ZRANB3: variants seen among roughly 807,000 people sequenced by gnomAD.
The protein encoded by ZRANB3 is zinc finger RANBP2-type containing 3, also known as DNA annealing helicase and endonuclease ZRANB3.
In ZRANB3, 125 loss-of-function variants were observed where a neutral mutation model predicts 133.8. The observed-to-expected ratio is 0.93, with a 90% CI of 0.81 to 1.08. ZRANB3 has a LOEUF of 1.08. ZRANB3 is among the 50% of genes least tolerant of loss of function. The pLI is 0.00. For synonymous variants in ZRANB3, 387 were observed against 432.7 expected, an observed-to-expected ratio of 0.89 and a Z score of 1.31; for missense variants, 1,229 against 1,275.5, an observed-to-expected ratio of 0.96 and a Z score of 0.56.
At chr2:135,350,270 A>G (rs1685146141) in intron 4 of ZRANB3, 55 bp from the exon 5 acceptor site, 1 of 1,296,622 alleles carries the variant, frequency 7.7e-7, no homozygotes, top group Middle Eastern at 2.1e-4. Flanking sequence ...CGTTATCATG[A>G]ACAATACAAC....
chr2:135,443,009 G>C (rs1355812013), intron 2 of ZRANB3, among the ~76,000 whole-genome samples: 1 of 151,934 alleles, frequency 6.6e-6, no homozygotes, highest in African/African-American at 2.4e-5. Context: ...CCAGCTACTT[G>C]GGAGGCTGAG....
At chr2:135,290,764 T>A (rs1001787951) in intron 8 of ZRANB3, among the ~76,000 whole-genome samples, 1 of 152,204 alleles carries the variant, frequency 6.6e-6, no homozygotes, top group Middle Eastern at 3.4e-3. Context: ...AGGATTTGTT[T>A]CAAGATCTAG....
In ZRANB3 at chr2:135,344,379, A is replaced by G. The variant is rs188628210; in HGVS notation, c.677+1171T>C. On this transcript the variant is annotated intron_variant, in intron 6 of 20. Transcript: ENST00000264159. The stretch of plus-strand genomic sequence containing the variant: ...CATTGTATGCACAGCTATATACTAC[A>G]AACGTCCAATAAGAGTAGACTGCAT... Among the ~76,000 whole-genome samples, 29 of 152,346 alleles carry G rather than the reference A, an allele frequency of 1.9e-4. No individual in the cohort carries two copies. The East Asian group carries it at 5.6e-3, about 29-fold the overall frequency.
intron 18 of ZRANB3, 126 bp downstream of exon 18, chr2:135,208,742 C>T: frequency 2.7e-6 from 2 of 728,824 alleles, no homozygotes; most frequent in Admixed American, 5.5e-5. Context: ...GAGCTACTAT[C>T]TTGTGAAAGT....
intron 9 of ZRANB3, among the ~76,000 whole-genome samples, chr2:135,272,414 C>CTTTTTTTTTTTT (rs112209442): frequency 0.01 from 1,092 of 107,698 alleles, 190 homozygotes; most frequent in African/African-American, 0.044. Flanking sequence ...GAAAATAGAG[C>CTTTTTTTTTTTT]TTTTTTTTTT....
intron 6 of ZRANB3, among the ~76,000 whole-genome samples, chr2:135,319,506 T>C (rs1478037281): frequency 1.3e-5 from 2 of 152,130 alleles, no homozygotes; most frequent in Non-Finnish European, 2.9e-5. Flanking sequence ...ACTCTGTGTG[T>C]GTACATATAT....
At chr2:135,387,725 G>A (rs535688979) in intron 3 of ZRANB3, among the ~76,000 whole-genome samples, 63 of 152,300 alleles carry the variant, frequency 4.1e-4, no homozygotes, top group Non-Finnish European at 6.2e-4. Flanking sequence ...TGATGGACAG[G>A]AAGGTGGAAG....
chr2:135,233,164 G>A (rs756759570), intron 12 of ZRANB3, among the ~76,000 whole-genome samples: 3 of 152,202 alleles, frequency 2.0e-5, no homozygotes, highest in Non-Finnish European at 4.4e-5. Context: ...CTCAGTAGCC[G>A]ATTTGATCAA....
chr2:135,203,394 C>T (rs1358534240), intron 19 of ZRANB3, among the ~76,000 whole-genome samples: 4 of 151,908 alleles, frequency 2.6e-5, no homozygotes, highest in Non-Finnish European at 5.9e-5. Flanking sequence ...CCAGGGCAGG[C>T]GGATCACTAG....
At chr2:135,491,868 G>A (rs903762619) in intron 2 of ZRANB3, among the ~76,000 whole-genome samples, 1 of 151,958 alleles carries the variant, frequency 6.6e-6, no homozygotes, top group Non-Finnish European at 1.5e-5. Flanking sequence ...ATACAAAGGT[G>A]AACATCAAAA....
At chr2:135,411,889 A>G (rs1324233215) in intron 2 of ZRANB3, among the ~76,000 whole-genome samples, 1 of 152,148 alleles carries the variant, frequency 6.6e-6, no homozygotes, top group African/African-American at 2.4e-5. Flanking sequence ...CCAAACCCAT[A>G]CATGTACCCC....
intron 2 of ZRANB3, among the ~76,000 whole-genome samples, chr2:135,424,986 TATGG>T (rs1689007669): frequency 6.6e-6 from 1 of 151,594 alleles, no homozygotes; most frequent in Non-Finnish European, 1.5e-5. Context: ...CTTAGAAAAA[TATGG>T]AGCATATAAA....
intron 8 of ZRANB3, among the ~76,000 whole-genome samples, chr2:135,301,161 C>A (rs765156745): frequency 5.3e-5 from 8 of 151,964 alleles, no homozygotes; most frequent in Non-Finnish European, 1.2e-4. Context: ...CAGGCACATG[C>A]CACCATGCCC....
intron 2 of ZRANB3, among the ~76,000 whole-genome samples, chr2:135,439,937 G>A (rs1167199860): frequency 6.6e-6 from 1 of 152,126 alleles, no homozygotes; most frequent in African/African-American, 2.4e-5. Flanking sequence ...TTTTCAGGCT[G>A]ATGCAATTTA....
At chr2:135,394,953 C>CA (rs113220872) in intron 2 of ZRANB3, among the ~76,000 whole-genome samples, 2,945 of 43,414 alleles carry the variant, frequency 0.068, 168 homozygotes, top group African/African-American at 0.079. Context: ...CTTGTCTCTA[C>CA]AAAAAAAAAA....
intron 15 of ZRANB3, among the ~76,000 whole-genome samples, chr2:135,222,043 A>G (rs1173075786): frequency 6.6e-6 from 1 of 152,232 alleles, no homozygotes; most frequent in African/African-American, 2.4e-5. Context: ...TCTTTTAAAC[A>G]TCGATATAAT....
chr2:135,405,773 G>A (rs946544772), intron 2 of ZRANB3, among the ~76,000 whole-genome samples: 5 of 152,094 alleles, frequency 3.3e-5, no homozygotes, highest in South Asian at 2.1e-4. Context: ...TGAAACCAAC[G>A]ACAACAAAGA....
intron 8 of ZRANB3, among the ~76,000 whole-genome samples, chr2:135,297,704 C>T (rs1682213889): frequency 6.6e-6 from 1 of 152,202 alleles, no homozygotes; most frequent in African/African-American, 2.4e-5. Flanking sequence ...TGTTCCTATT[C>T]AGCCATCCTA....
Position 135,273,405 on chromosome 2 carries a change from T to C in ZRANB3, c.1087-1518A>G, listed in dbSNP as rs143525706. On this transcript the variant is annotated intron_variant, in intron 9 of 20. Transcript: ENST00000264159. Reference sequence around the variant, plus strand: ...ACGTTCTGTCCTCAAAGAGCAAGTATACATTAACCAGTAAACCATTTAATA... The same window carrying C: ...ACGTTCTGTCCTCAAAGAGCAAGTACACATTAACCAGTAAACCATTTAATA... Among the ~76,000 whole-genome samples the C allele has an allele frequency of 8.5e-5, 13 of 152,298 alleles. No homozygotes were observed. The South Asian group carries it at 2.5e-3, about 29-fold the overall frequency.
Sources: allele counts gnomAD v4.1 joint callset (sites outside exome capture counted in the v4.1 genomes callset), GRCh38; gene constraint gnomAD v4.1.1; transcripts MANE v1.5; gene names NCBI Gene and HGNC (gene_info 2026-07-23, HGNC 2026-07-21).